The following ADGRB3 variants were observed in gnomAD, a reference collection of about 807,000 sequenced individuals.
The protein encoded by ADGRB3 is brain-specific angiogenesis inhibitor 3.
A neutral mutation model predicts 193.4 loss-of-function variants in ADGRB3; 37 were observed. That is an observed-to-expected ratio of 0.19 (90% CI 0.15 to 0.25). ADGRB3 has a LOEUF of 0.25. Ranked by LOEUF, ADGRB3 falls within the 10% of genes least tolerant of loss-of-function variation. The pLI is 1.00. For missense variants in ADGRB3, 1,637 were observed against 1,852.9 expected, an observed-to-expected ratio of 0.88 and a Z score of 2.14; for synonymous variants, 690 against 644.2, an observed-to-expected ratio of 1.07 and a Z score of -1.08.
chr6:69,030,263 G>A (rs1308510328), intron 13 of ADGRB3, among the ~76,000 whole-genome samples: 2 of 152,106 alleles, frequency 1.3e-5, no homozygotes, highest in African/African-American at 2.4e-5. Flanking sequence ...CCCATTGCTA[G>A]GTATATACCC....
At chr6:69,290,455 G>A (rs1767642563) in intron 20 of ADGRB3, among the ~76,000 whole-genome samples, 1 of 149,632 alleles carries the variant, frequency 6.7e-6, no homozygotes, top group African/African-American at 2.4e-5. Flanking sequence ...TTGAGACTGA[G>A]AGAGAGAGAG....
chr6:68,975,378 T>C (rs1562107263), intron 10 of ADGRB3, 38 bp downstream of exon 10: 3 of 1,502,150 alleles, frequency 2.0e-6, no homozygotes, highest in Non-Finnish European at 2.8e-6. Flanking sequence ...GCTCTGTTTA[T>C]TTTTTGCTAA....
chr6:69,168,228 C>G (rs1402172525), intron 17 of ADGRB3, among the ~76,000 whole-genome samples: 3 of 152,090 alleles, frequency 2.0e-5, no homozygotes, highest in Non-Finnish European at 4.4e-5. Flanking sequence ...TACAGTATAT[C>G]ACCAAGTAGG....
chr6:69,176,167 C>T (rs1209878257), intron 17 of ADGRB3, among the ~76,000 whole-genome samples: 1 of 152,104 alleles, frequency 6.6e-6, no homozygotes, highest in Non-Finnish European at 1.5e-5. Flanking sequence ...GTACTTCCAG[C>T]ACTATGTTGT....
At chr6:69,042,191 C>G (rs1275235559) in intron 13 of ADGRB3, among the ~76,000 whole-genome samples, 2 of 152,162 alleles carry the variant, frequency 1.3e-5, no homozygotes, top group Non-Finnish European at 2.9e-5. Context: ...TTTCCTGAAG[C>G]TTCCATGGCC....
At chr6:68,885,164 C>T (rs1188461826) in intron 3 of ADGRB3, among the ~76,000 whole-genome samples, 1 of 152,012 alleles carries the variant, frequency 6.6e-6, no homozygotes, top group Non-Finnish European at 1.5e-5. Context: ...TCTTATAAAA[C>T]TGGGAGAATT....
intron 25 of ADGRB3, 38 bp downstream of exon 25, chr6:69,339,052 T>A: frequency 6.3e-7 from 1 of 1,598,868 alleles, no homozygotes; most frequent in Non-Finnish European, 8.6e-7. Context: ...GTTACAAATC[T>A]TTTACAGTGC....
chr6:69,237,115 T>G (rs748886336), intron 19 of ADGRB3, among the ~76,000 whole-genome samples: 1 of 151,962 alleles, frequency 6.6e-6, no homozygotes, highest in South Asian at 2.1e-4. Flanking sequence ...GAACTGAAAT[T>G]TAAAGCCCCA....
At chr6:68,645,874 A>G (rs915586654) in intron 3 of ADGRB3, among the ~76,000 whole-genome samples, 23 of 151,780 alleles carry the variant, frequency 1.5e-4, no homozygotes, top group African/African-American at 5.6e-4. Context: ...GGGTTTCACC[A>G]TGTTAGCCAG....
At chr6:68,790,594 C>T (rs1767083266) in intron 3 of ADGRB3, among the ~76,000 whole-genome samples, 1 of 152,148 alleles carries the variant, frequency 6.6e-6, no homozygotes, top group Admixed American at 6.5e-5. Context: ...ACAAAACTTC[C>T]AGAGGAACGA....
intron 17 of ADGRB3, among the ~76,000 whole-genome samples, chr6:69,207,281 G>C (rs3939086): frequency 6.6e-6 from 1 of 152,178 alleles, no homozygotes; most frequent in African/African-American, 2.4e-5. Flanking sequence ...ATGGTGAGTG[G>C]TGCCACTTCC....
At chr6:68,819,986 C>T (rs1396132732) in intron 3 of ADGRB3, among the ~76,000 whole-genome samples, 4 of 151,980 alleles carry the variant, frequency 2.6e-5, no homozygotes, top group Non-Finnish European at 5.9e-5. Flanking sequence ...CTATCCCAAT[C>T]TTGCCTATGT....
intron 11 of ADGRB3, among the ~76,000 whole-genome samples, chr6:68,997,912 A>G (rs1769437159): frequency 6.6e-6 from 1 of 152,076 alleles, no homozygotes; most frequent in South Asian, 2.1e-4. Flanking sequence ...TATTTTTTAT[A>G]TTATCTACCT....
At position 69,045,417 on chromosome 6, in the gene ADGRB3, CATCA is replaced by C. The variant is rs550127684; in HGVS notation, c.2108-2767_2108-2764del. ...AATTTCACAGATATAATTTGAATCT[CATCA>C]GTGTATGAAAGTATATACTTTTCAT... On this transcript the variant is annotated intron_variant, in intron 13 of 31. Coordinates refer to ENST00000370598, the MANE Select transcript of ADGRB3 (RefSeq NM_001704.3). Among the ~76,000 whole-genome samples the C allele has an allele frequency of 1.4e-3, 214 of 152,150 alleles. 1 individual carries two copies. The highest frequency in any genetic ancestry group is 5.1e-3 in the African/African-American group (210 of 41,538).
At chr6:68,861,487 G>A (rs937517540) in intron 3 of ADGRB3, among the ~76,000 whole-genome samples, 19 of 152,146 alleles carry the variant, frequency 1.2e-4, no homozygotes, top group Admixed American at 5.2e-4. Context: ...GCGTGAACCC[G>A]GGAGGTGGAG....
At chr6:69,369,699 A>G (rs1769665904) in intron 29 of ADGRB3, among the ~76,000 whole-genome samples, 1 of 148,646 alleles carries the variant, frequency 6.7e-6, no homozygotes, top group South Asian at 2.1e-4. Context: ...CCATTTCAAA[A>G]AAAAAAAAAA....
At chr6:68,855,602 T>A (rs1217959561) in intron 3 of ADGRB3, among the ~76,000 whole-genome samples, 1 of 152,132 alleles carries the variant, frequency 6.6e-6, no homozygotes, top group African/African-American at 2.4e-5. Flanking sequence ...TTAAACAAAA[T>A]CATTTTTGTA....
chr6:69,300,148 T>C (rs1444148434), intron 20 of ADGRB3, among the ~76,000 whole-genome samples: 1 of 151,816 alleles, frequency 6.6e-6, no homozygotes, highest in Non-Finnish European at 1.5e-5. Context: ...ATTCCAGGGA[T>C]ACAAAGATGG....
intron 3 of ADGRB3, among the ~76,000 whole-genome samples, chr6:68,895,435 A>G (rs1766193045): frequency 6.6e-6 from 1 of 152,028 alleles, no homozygotes; most frequent in African/African-American, 2.4e-5. Flanking sequence ...CCATACACCA[A>G]GAGGGTGGAA....
Sources: allele counts gnomAD v4.1 joint callset (sites outside exome capture counted in the v4.1 genomes callset), GRCh38; gene constraint gnomAD v4.1.1; transcripts MANE v1.5; gene names NCBI Gene and HGNC (gene_info 2026-07-23, HGNC 2026-07-21).